Variants in ADGRL2 observed in about 807,000 individuals in gnomAD.
ADGRL2 encodes the protein calcium-independent alpha-latrotoxin receptor 2.
ADGRL2 carries 44 observed loss-of-function variants against 157.4 expected under a neutral mutation model. The ratio of observed to expected loss-of-function variants is 0.28; its 90% confidence interval spans 0.22 to 0.36. The LOEUF is 0.36. Ranked by LOEUF, ADGRL2 falls within the 10% of genes least tolerant of loss-of-function variation. The probability of loss-of-function intolerance (pLI) is 1.00; values close to 1 mark genes in which losing one functional copy is unlikely to be tolerated. For synonymous variants in ADGRL2, 585 were observed against 624.7 expected (o/e 0.94, Z 0.95); for missense variants, 1,510 against 1,768.9 (o/e 0.85, Z 2.63).
intron 1 of ADGRL2, among the ~76,000 whole-genome samples, chr1:81,424,176 A>G (rs11163286): frequency 0.18 from 27,735 of 152,190 alleles, 3,119 homozygotes; most frequent in East Asian, 0.43. Context: ...CTGAGCTCCA[A>G]TGTCAGAGAG....
At chr1:81,755,941 C>T (rs2085674117) in intron 1 of ADGRL2, among the ~76,000 whole-genome samples, 1 of 152,136 alleles carries the variant, frequency 6.6e-6, no homozygotes, top group African/African-American at 2.4e-5. Context: ...TCTCACACCT[C>T]AATCCGCACC....
chr1:81,793,879 T>G (rs1395511483), intron 2 of ADGRL2, among the ~76,000 whole-genome samples: 1 of 152,172 alleles, frequency 6.6e-6, no homozygotes, highest in Non-Finnish European at 1.5e-5. Flanking sequence ...TCAGATTCTT[T>G]ATTTGATTAC....
chr1:81,710,624 AT>A (rs201076836), intron 1 of ADGRL2, among the ~76,000 whole-genome samples: 2 of 100,170 alleles, frequency 2.0e-5, no homozygotes, highest in East Asian at 4.2e-4. Flanking sequence ...TGCTCAAAAA[AT>A]TAAAAAAAAA....
intron 3 of ADGRL2, among the ~76,000 whole-genome samples, chr1:81,693,541 T>C (rs949355122): frequency 1.3e-5 from 2 of 152,198 alleles, no homozygotes; most frequent in African/African-American, 4.8e-5. Flanking sequence ...GATTACTTCA[T>C]AATAAAGATT....
At chr1:81,409,767 A>C (rs578232984) in intron 1 of ADGRL2, among the ~76,000 whole-genome samples, 1 of 152,352 alleles carries the variant, frequency 6.6e-6, no homozygotes, top group South Asian at 2.1e-4. Context: ...ACTTTTTAAC[A>C]TCTCAAAAGA....
chr1:81,890,732 C>T (rs551445569), intron 2 of ADGRL2, among the ~76,000 whole-genome samples: 16 of 152,076 alleles, frequency 1.1e-4, no homozygotes, highest in Admixed American at 4.6e-4. Context: ...CAGAGATACA[C>T]GGCAGTCTTT....
In ADGRL2 at chr1:81,636,611, C is replaced by T. The variant is rs71646939; in HGVS notation, c.-143+55631C>T. Among the ~76,000 whole-genome samples the T allele has an allele frequency of 4.5e-3, 688 of 152,158 alleles. 4 individuals are homozygous for T. The highest frequency in any genetic ancestry group is 0.015 in the African/African-American group (606 of 41,520). On this transcript the variant is annotated intron_variant, in intron 3 of 24. Transcript: ENST00000370721. ...GGGAGCTTTAAAGCCATTACCCATA[C>T]GTCCCCATTTTCTGGCCCAGTTTTC...
intron 2 of ADGRL2, chr1:81,503,396 C>G: frequency 1.4e-5 from 23 of 1,613,850 alleles, no homozygotes; most frequent in Non-Finnish European, 1.9e-5. Context: ...AGCAGCAGCT[C>G]TCACTGTTCA....
At chr1:81,375,889 A>G (rs2076240206) in intron 1 of ADGRL2, among the ~76,000 whole-genome samples, 1 of 152,154 alleles carries the variant, frequency 6.6e-6, no homozygotes, top group African/African-American at 2.4e-5. Context: ...TCTATTTTTA[A>G]AAGCAAGAAT....
intron 2 of ADGRL2, among the ~76,000 whole-genome samples, chr1:81,897,145 T>A (rs1432463030): frequency 6.6e-6 from 1 of 152,188 alleles, no homozygotes; most frequent in Admixed American, 6.5e-5. Context: ...CCTTTCCCTG[T>A]TTTCAAGACC....
chr1:81,756,154 T>G (rs2085682201), intron 1 of ADGRL2, among the ~76,000 whole-genome samples: 1 of 152,172 alleles, frequency 6.6e-6, no homozygotes, highest in Admixed American at 6.6e-5. Context: ...TTAACTCCAC[T>G]GGAAATTTCT....
chr1:81,443,205 G>A (rs1251463466), intron 1 of ADGRL2, among the ~76,000 whole-genome samples: 2 of 152,164 alleles, frequency 1.3e-5, no homozygotes, highest in Non-Finnish European at 2.9e-5. Flanking sequence ...TGGATCACCT[G>A]AAGTCAAGAG....
chr1:81,602,163 A>G (rs976728565), intron 3 of ADGRL2, among the ~76,000 whole-genome samples: 1 of 152,240 alleles, frequency 6.6e-6, no homozygotes, highest in Admixed American at 6.5e-5. Context: ...GAGATATTAA[A>G]ATGAAGTGAC....
chr1:81,435,283 C>G (rs1020405780), intron 1 of ADGRL2, among the ~76,000 whole-genome samples: 63 of 152,222 alleles, frequency 4.1e-4, no homozygotes, highest in African/African-American at 1.5e-3. Context: ...TTTTAACAAC[C>G]ATGTTAAAAA....
At chr1:81,546,469 A>G (rs1160797526) in intron 2 of ADGRL2, among the ~76,000 whole-genome samples, 1 of 152,212 alleles carries the variant, frequency 6.6e-6, no homozygotes, top group Non-Finnish European at 1.5e-5. Context: ...AAAGACAGAA[A>G]CATTTCATTC....
intron 1 of ADGRL2, among the ~76,000 whole-genome samples, chr1:81,390,316 G>A (rs1307469956): frequency 6.6e-6 from 1 of 152,300 alleles, no homozygotes; most frequent in Non-Finnish European, 1.5e-5. Context: ...AACTGTGTAA[G>A]ACTGATGTTC....
chr1:81,979,967 A>C lies in ADGRL2; in HGVS notation c.3113+7A>C, dbSNP rs1362668958. The C allele has an allele frequency of 6.6e-7, 1 of 1,509,508 alleles. No homozygotes were observed. Among genetic ancestry groups the C allele is most frequent in the Non-Finnish European group, 9.2e-7 (1 of 1,087,022 alleles). The allele number at this position is 1,509,508 out of a possible 1,614,324, so 93.5% of individuals were successfully genotyped here. On this transcript the variant is annotated splice_region_variant and intron_variant, in intron 18 of 23. Coordinates refer to ENST00000686636, the MANE Select transcript of ADGRL2 (RefSeq NM_001366006.2). ...GCAGGTTGGAAAACATTAAGTAAGT[A>C]TTTTGTATTTTAATTTTAATACTTG...
chr1:81,318,627 A>G (rs1660272059), intron 1 of ADGRL2, among the ~76,000 whole-genome samples: 1 of 152,222 alleles, frequency 6.6e-6, no homozygotes, highest in African/African-American at 2.4e-5. Flanking sequence ...GATAGTAATA[A>G]TAGCAGTTAT....
At chr1:81,901,749 T>A (rs1468934432) in intron 2 of ADGRL2, among the ~76,000 whole-genome samples, 1 of 152,172 alleles carries the variant, frequency 6.6e-6, no homozygotes, top group East Asian at 1.9e-4. Flanking sequence ...GCAATAATTT[T>A]ATTAAAGGCT....
Sources: gnomAD v4.1 joint callset for allele counts (sites outside exome capture counted in the v4.1 genomes callset) on GRCh38, gnomAD v4.1.1 for gene constraint, MANE v1.5 for transcripts, NCBI Gene and HGNC (gene_info 2026-07-23, HGNC 2026-07-21) for gene names.